The following RAD54L2 variants were observed in gnomAD, a reference collection of about 807,000 sequenced individuals.
RAD54L2 encodes the protein helicase ARIP4.
RAD54L2 carries 27 observed loss-of-function variants against 138.4 expected under a neutral mutation model. The ratio of observed to expected loss-of-function variants is 0.20; its 90% CI spans 0.14 to 0.27. RAD54L2 has a LOEUF of 0.27. Ranked by LOEUF, RAD54L2 falls within the 10% of genes least tolerant of loss-of-function variation. RAD54L2 has a pLI of 1.00. For synonymous variants in RAD54L2, 644 were observed against 723.2 expected (o/e 0.89, Z 1.76); for missense variants, 1,396 against 1,890.2 (o/e 0.74, Z 4.85).
chr3:51,608,451 G>A (rs1037256652), intron 3 of RAD54L2, among the ~76,000 whole-genome samples: 3 of 152,180 alleles, frequency 2.0e-5, no homozygotes, highest in East Asian at 1.9e-4. Flanking sequence ...CTGCAATCTC[G>A]GCACTTTGGG....
chr3:51,633,501 C>A, intron 7 of RAD54L2, 76 bp from the exon 8 acceptor site: 1 of 1,393,874 alleles, frequency 7.2e-7, no homozygotes. Flanking sequence ...TTAATTCTTA[C>A]TAATTACAAA....
intron 3 of RAD54L2, among the ~76,000 whole-genome samples, chr3:51,618,597 C>G (rs1387184322): frequency 6.6e-6 from 1 of 152,014 alleles, no homozygotes; most frequent in Admixed American, 6.6e-5. Context: ...GAAAGAAGGA[C>G]AGAGAAACTA....
chr3:51,550,113 G>A (rs1028035155), intron 2 of RAD54L2, among the ~76,000 whole-genome samples: 1 of 152,194 alleles, frequency 6.6e-6, no homozygotes, highest in African/African-American at 2.4e-5. Context: ...AAAATGAGCT[G>A]TCTTGGTTGC....
In RAD54L2 at chr3:51,557,654, A is replaced by G. The variant is rs977965004; in HGVS notation, c.-55+16004A>G. Among the ~76,000 whole-genome samples the G allele has an allele frequency of 4.6e-5, 7 of 151,778 alleles. No homozygotes were observed. In the South Asian group the frequency reaches 1.5e-3, roughly 32 times the overall value. ...AGACCAGCCTGATCAACGTGGTGAAACCCTGTCTCTATTAAATATACAAAA... is the reference window on the plus strand; with the variant it reads ...AGACCAGCCTGATCAACGTGGTGAAGCCCTGTCTCTATTAAATATACAAAA... On this transcript the variant is annotated intron_variant, in intron 2 of 22. Transcript: ENST00000684192.
chr3:51,593,621 T>C (rs569288976), intron 3 of RAD54L2, among the ~76,000 whole-genome samples: 82 of 152,166 alleles, frequency 5.4e-4, no homozygotes, highest in Non-Finnish European at 1.0e-4. Context: ...CGTGAGCCAC[T>C]GTGCCCGGCC....
At chr3:51,552,382 C>T (rs1429480054) in intron 2 of RAD54L2, among the ~76,000 whole-genome samples, 3 of 151,754 alleles carry the variant, frequency 2.0e-5, no homozygotes, top group African/African-American at 7.3e-5. Flanking sequence ...CCTGCTTCAG[C>T]CTCCCGAGTA....
intron 22 of RAD54L2, among the ~76,000 whole-genome samples, chr3:51,661,987 A>G (rs1409360936): frequency 6.6e-6 from 1 of 152,122 alleles, no homozygotes. Flanking sequence ...GAGATTTCCC[A>G]TTTGTCCCAG....
intron 3 of RAD54L2, among the ~76,000 whole-genome samples, chr3:51,621,941 G>A (rs1037553974): frequency 2.6e-5 from 4 of 152,176 alleles, no homozygotes; most frequent in Non-Finnish European, 5.9e-5. Flanking sequence ...TTTGGGATGA[G>A]GAATTTGATG....
At chr3:51,596,787 C>G (rs1002423525) in intron 3 of RAD54L2, among the ~76,000 whole-genome samples, 2 of 152,294 alleles carry the variant, frequency 1.3e-5, no homozygotes, top group African/African-American at 2.4e-5. Flanking sequence ...TGAGCCACCA[C>G]CATCCTTTTC....
intron 3 of RAD54L2, among the ~76,000 whole-genome samples, chr3:51,595,334 A>T (rs1158068910): frequency 6.6e-6 from 1 of 152,226 alleles, no homozygotes; most frequent in Non-Finnish European, 1.5e-5. Context: ...AGTCGATCAC[A>T]CAAGAGGAGT....
chr3:51,604,517 C>T (rs1456762686), intron 3 of RAD54L2, among the ~76,000 whole-genome samples: 3 of 152,126 alleles, frequency 2.0e-5, no homozygotes, highest in Non-Finnish European at 2.9e-5. Flanking sequence ...GAGCATGGAC[C>T]TTGTAGACAA....
intron 15 of RAD54L2, among the ~76,000 whole-genome samples, chr3:51,643,227 G>A (rs1701184921): frequency 6.6e-6 from 1 of 152,126 alleles, no homozygotes; most frequent in Non-Finnish European, 1.5e-5. Flanking sequence ...TAGAGACGGG[G>A]TTTCACCATG....
chr3:51,581,399 C>T lies in RAD54L2; in HGVS notation c.-54-8968C>T, dbSNP rs115618384. On this transcript the variant is annotated intron_variant, in intron 2 of 22. Transcript: ENST00000684192. Reference sequence around the variant, plus strand: ...AGGCGTGAGGCACTGTGCCTATTTGCATTATAAAAGGATTCATATAGAATT... The same window carrying T: ...AGGCGTGAGGCACTGTGCCTATTTGTATTATAAAAGGATTCATATAGAATT... Among the ~76,000 whole-genome samples, 366 of 152,224 alleles carry T rather than the reference C, an allele frequency of 2.4e-3. 2 individuals carry two copies. Among genetic ancestry groups the T allele is most frequent in the African/African-American group, 8.5e-3 (352 of 41,546 alleles).
At chr3:51,553,473 A>C (rs908587510) in intron 2 of RAD54L2, among the ~76,000 whole-genome samples, 1 of 152,218 alleles carries the variant, frequency 6.6e-6, no homozygotes, top group African/African-American at 2.4e-5. Context: ...CATTACAATA[A>C]AGCAAATATT....
chr3:51,561,355 C>A (rs1175681417), intron 2 of RAD54L2, among the ~76,000 whole-genome samples: 4 of 152,238 alleles, frequency 2.6e-5, no homozygotes, highest in South Asian at 4.1e-4. Flanking sequence ...AAGTGATTCT[C>A]CTGCCTCAGC....
At chr3:51,606,250 G>A (rs965863117) in intron 3 of RAD54L2, among the ~76,000 whole-genome samples, 3 of 152,182 alleles carry the variant, frequency 2.0e-5, no homozygotes, top group African/African-American at 7.2e-5. Flanking sequence ...GACTCACATG[G>A]TCAAATTCAG....
rs770428016 is a variant in RAD54L2, at chr3:51,635,640, G to C, written c.1190G>C (p.Gly397Ala). 1 of 1,613,586 alleles carries C rather than the reference G, an allele frequency of 6.2e-7. No homozygotes were observed. The highest frequency in any genetic ancestry group is 8.5e-7 in the Non-Finnish European group (1 of 1,179,752). ...AKVMADWVSE[G>A]GVLLMGYEMY... is the part of the protein sequence containing the mutation. The stretch of plus-strand genomic sequence containing the variant: ...GTGATGGCTGATTGGGTGTCAGAGG[G>C]TGGCGTGCTGCTGATGGGGTACGAG... The change falls in exon 10 of 23, where the codon GGT becomes GCT. Residue 397 changes from glycine (G) to alanine (A), a missense_variant. Physicochemically the swap from Gly to Ala is moderately conservative, Grantham distance 60. Transcript: ENST00000684192.
chr3:51,664,110 C>T lies in RAD54L2; in HGVS notation c.*690C>T, dbSNP rs1277242973. 1.3e-5 allele frequency: 2 copies of T among 152,126 alleles called. No individual in the cohort carries two copies. 9.4% of individuals were successfully genotyped at this position (152,126 alleles called of 1,614,324 possible). A position where few individuals can be genotyped will look rare whatever the true frequency, so the allele number is the denominator to read the frequency against. On this transcript the variant is annotated 3_prime_UTR_variant, in exon 23 of 23. Transcript: ENST00000684192. ...GGTGGTTCATGGCACCTAGTGTGAA[C>T]ATCAGGGTGAGCCCAGAAGAGCCAT...
intron 2 of RAD54L2, among the ~76,000 whole-genome samples, chr3:51,571,253 C>G (rs1699331124): frequency 6.6e-6 from 1 of 152,134 alleles, no homozygotes; most frequent in African/African-American, 2.4e-5. Context: ...TTTAGTTCAT[C>G]CCAGCCTTTG....
Sources: gnomAD v4.1 joint callset for allele counts (sites outside exome capture counted in the v4.1 genomes callset) on GRCh38, gnomAD v4.1.1 for gene constraint, MANE v1.5 for transcripts, NCBI Gene and HGNC (gene_info 2026-07-23, HGNC 2026-07-21) for gene names.